Variants in UBA6 observed in about 807,000 individuals in gnomAD.
The protein encoded by UBA6 is ubiquitin like modifier activating enzyme 6.
Under a neutral mutation model 148.3 loss-of-function variants are expected in UBA6, and 87 were observed. The observed-to-expected ratio is 0.59, with a 90% confidence interval of 0.49 to 0.70. The LOEUF (loss-of-function observed/expected upper bound fraction) is 0.70. Ranked by LOEUF, UBA6 falls within the 30% of genes least tolerant of loss-of-function variation. UBA6 has a pLI of 0.00. For missense variants in UBA6, 1,186 were observed against 1,241.2 expected, an observed-to-expected ratio of 0.96 and a Z score of 0.67; for synonymous variants, 376 against 401.0, an observed-to-expected ratio of 0.94 and a Z score of 0.75.
At chr4:67,666,362 T>C (rs1298148940) in intron 9 of UBA6, among the ~76,000 whole-genome samples, 1 of 150,640 alleles carries the variant, frequency 6.6e-6, no homozygotes, top group Non-Finnish European at 1.5e-5. Flanking sequence ...TACAGGCATA[T>C]ATACTATATA....
chr4:67,700,685 G>A (rs1730958164), intron 1 of UBA6, among the ~76,000 whole-genome samples: 1 of 152,168 alleles, frequency 6.6e-6, no homozygotes, highest in Non-Finnish European at 1.5e-5. Context: ...TTACGGAAAG[G>A]AGGAAAGGTG....
chr4:67,639,799 C>A (rs992335649), intron 18 of UBA6, among the ~76,000 whole-genome samples: 1 of 152,024 alleles, frequency 6.6e-6, no homozygotes, highest in African/African-American at 2.4e-5. Context: ...ACAATACAAT[C>A]ATAACAATAT....
At chr4:67,680,697 T>C (rs1009840848) in intron 4 of UBA6, among the ~76,000 whole-genome samples, 1 of 152,180 alleles carries the variant, frequency 6.6e-6, no homozygotes, top group African/African-American at 2.4e-5. Context: ...TTTCGTGTGA[T>C]CTCCCACCTT....
rs186456644 is a variant in UBA6 at position 67,648,598 on chromosome 4, A to G, written c.1248+470T>C. On this transcript the variant is annotated intron_variant, in intron 14 of 32. Transcript: ENST00000322244. Reference sequence around the variant, plus strand: ...CCAATTATTTCTGCTGGCAAAAGAAATGGGGATTTTTATTCCATCTTGTGA... The same window carrying G: ...CCAATTATTTCTGCTGGCAAAAGAAGTGGGGATTTTTATTCCATCTTGTGA... Among the ~76,000 whole-genome samples the G allele has an allele frequency of 6.6e-5, 10 of 152,326 alleles. No homozygotes were observed. The East Asian group carries it at 1.9e-3, about 29-fold the overall frequency.
At chr4:67,686,563 G>A (rs1375373739) in intron 2 of UBA6, among the ~76,000 whole-genome samples, 1 of 152,120 alleles carries the variant, frequency 6.6e-6, no homozygotes, top group Non-Finnish European at 1.5e-5. Context: ...CTGTGACATG[G>A]TACTGGGAGA....
chr4:67,659,965 C>T (rs943350926), intron 13 of UBA6, among the ~76,000 whole-genome samples: 5 of 152,140 alleles, frequency 3.3e-5, no homozygotes, highest in Non-Finnish European at 7.4e-5. Flanking sequence ...CATTTTGCCC[C>T]TGCCCTAGAG....
intron 17 of UBA6, 131 bp downstream of exon 17, chr4:67,644,567 C>A: frequency 1.7e-6 from 1 of 593,468 alleles, no homozygotes; most frequent in Non-Finnish European, 3.1e-6. Context: ...AAGGGCATGA[C>A]AATCTTCCAA....
intron 13 of UBA6, chr4:67,661,674 T>C (rs1378740988): frequency 6.5e-6 from 1 of 154,360 alleles, no homozygotes; most frequent in Non-Finnish European, 1.4e-5. Context: ...TGCACAAACA[T>C]CACCATGTTT....
intron 14 of UBA6, among the ~76,000 whole-genome samples, chr4:67,647,531 T>TG: frequency 6.6e-6 from 1 of 152,224 alleles, no homozygotes; most frequent in African/African-American, 2.4e-5. Context: ...ATACATACTA[T>TG]GTGTATGTGT....
chr4:67,626,343 T>C lies in UBA6; in HGVS notation c.2518+17A>G, dbSNP rs1380879374. 6.5e-7 allele frequency: 1 copy of C among 1,536,474 alleles called. No homozygotes were observed. Among genetic ancestry groups the C allele is most frequent in the South Asian group, 1.1e-5 (1 of 88,912 alleles). ...ACTCATCCAGTTCAAAACATTTTTATAAAGATTTTCCCTTACTTTTGGTGG... is the reference window on the plus strand; with the variant it reads ...ACTCATCCAGTTCAAAACATTTTTACAAAGATTTTCCCTTACTTTTGGTGG... On this transcript the variant is annotated intron_variant, in intron 28 of 32. Transcript: ENST00000322244.
chr4:67,670,345 T>G (rs536728759), intron 8 of UBA6, 125 bp downstream of exon 8: 1 of 744,572 alleles, frequency 1.3e-6, no homozygotes, highest in South Asian at 1.9e-5. Context: ...ATTCCCTCAT[T>G]ATCTTAAAAC....
At chr4:67,696,363 T>A (rs922455388) in intron 2 of UBA6, among the ~76,000 whole-genome samples, 2 of 151,970 alleles carry the variant, frequency 1.3e-5, no homozygotes, top group South Asian at 4.1e-4. Flanking sequence ...AAACCCTAAT[T>A]TTAACTTGAG....
At chr4:67,632,551 G>A (rs960731580) in intron 23 of UBA6, among the ~76,000 whole-genome samples, 5 of 152,218 alleles carry the variant, frequency 3.3e-5, no homozygotes, top group Admixed American at 6.5e-5. Context: ...TTTTTGAAAC[G>A]GGTCATTGAT....
At chr4:67,640,210 G>T (rs1212711201) in intron 18 of UBA6, among the ~76,000 whole-genome samples, 2 of 152,160 alleles carry the variant, frequency 1.3e-5, no homozygotes, top group Non-Finnish European at 2.9e-5. Context: ...AACTTTGTTA[G>T]AACTCAGTAA....
intron 2 of UBA6, among the ~76,000 whole-genome samples, chr4:67,691,442 T>G (rs1233242592): frequency 1.3e-5 from 2 of 152,214 alleles, no homozygotes; most frequent in African/African-American, 4.8e-5. Flanking sequence ...TACTTCCAGT[T>G]GCTATTGTGG....
At chr4:67,692,724 T>G (rs992437056) in intron 2 of UBA6, among the ~76,000 whole-genome samples, 2 of 152,024 alleles carry the variant, frequency 1.3e-5, no homozygotes, top group African/African-American at 4.8e-5. Flanking sequence ...ACACAACATC[T>G]CAAATTCAGC....
At chr4:67,693,243 T>C (rs527627608) in intron 2 of UBA6, among the ~76,000 whole-genome samples, 84 of 152,244 alleles carry the variant, frequency 5.5e-4, no homozygotes, top group African/African-American at 1.9e-3. Context: ...TCCAGTTCCA[T>C]CTAATGAACA....
At chr4:67,626,689 C>T (rs1371867701) in intron 27 of UBA6, among the ~76,000 whole-genome samples, 1 of 151,846 alleles carries the variant, frequency 6.6e-6, no homozygotes, top group Non-Finnish European at 1.5e-5. Flanking sequence ...TCTTCTCGCA[C>T]AGGCATGTAA....
Position 67,642,878 on chromosome 4 carries a change from T to A in UBA6, c.1477-1650A>T, listed in dbSNP as rs548739790. ...ATTCTACTAGACCTATGTTGGACCT[T>A]GCAAACGCACTTCTTTCATTAAAAA... On this transcript the variant is annotated intron_variant, in intron 17 of 32. Coordinates refer to ENST00000322244, the MANE Select transcript of UBA6 (RefSeq NM_018227.6). 2.5e-4 allele frequency among the ~76,000 whole-genome samples: 38 copies of A among 152,108 alleles called. No individual in the cohort carries two copies. The South Asian group carries it at 7.5e-3, about 30-fold the overall frequency.
Sources: allele counts gnomAD v4.1 joint callset (sites outside exome capture counted in the v4.1 genomes callset), GRCh38; gene constraint gnomAD v4.1.1; transcripts MANE v1.5; gene names NCBI Gene and HGNC (gene_info 2026-07-23, HGNC 2026-07-21).